Variants in EIF4G1 observed in about 807,000 individuals in gnomAD.
EIF4G1 encodes the protein eukaryotic translation initiation factor 4 gamma 1.
EIF4G1 carries 4 observed loss-of-function variants against 187.8 expected under a neutral mutation model. The observed-to-expected ratio is 0.02, with a 90% confidence interval of 0.01 to 0.05. EIF4G1 has a LOEUF of 0.05. Ranked by LOEUF, EIF4G1 falls within the 10% of genes least tolerant of loss-of-function variation. The pLI is 1.00. For synonymous variants in EIF4G1, 844 were observed against 781.4 expected (o/e 1.08, Z -1.34); for missense variants, 1,647 against 2,081.1 (o/e 0.79, Z 4.06).
At position 184,334,087 on chromosome 3, in the gene EIF4G1, C is replaced by G. The variant is rs55967915; in HGVS notation, c.4619-640C>G. 0.37 allele frequency among the ~76,000 whole-genome samples: 56,666 copies of G among 151,904 alleles called. 12,102 individuals carry two copies. Among genetic ancestry groups the G allele is most frequent in the African/African-American group, 0.57 (23,750 of 41,390 alleles). On this transcript the variant is annotated intron_variant, in intron 32 of 32. Transcript: ENST00000346169. The surrounding 1 kb of genome is among the most constrained non-coding windows in gnomAD (Gnocchi z 5.8). The stretch of plus-strand genomic sequence containing the variant: ...GGTGGTGCCTTGTGGGCACTGGGGT[C>G]GGTTGTGTTTCAGGGGTTATAGGAC...
chr3:184,324,415 C>T (rs1195970354), intron 17 of EIF4G1, 68 bp downstream of exon 17: 17 of 1,608,486 alleles, frequency 1.1e-5, no homozygotes, highest in Admixed American at 1.7e-5. Flanking sequence ...TGCTACTCAG[C>T]TGTAGAATTT....
In EIF4G1 at chr3:184,315,790, A is replaced by G. The variant is rs1251654908; in HGVS notation, c.-7A>G. On this transcript the variant is annotated 5_prime_UTR_variant, in exon 3 of 33. Coordinates refer to ENST00000346169, the MANE Select transcript of EIF4G1 (RefSeq NM_198241.3). Reference sequence around the variant, plus strand: ...GCTGGGGGGACCCTGATGTGGCACCAAATGAAATGAACAAAGCTCCACAGT... The same window carrying G: ...GCTGGGGGGACCCTGATGTGGCACCGAATGAAATGAACAAAGCTCCACAGT... 1.3e-6 allele frequency: 2 copies of G among 1,551,650 alleles called. No homozygotes were observed. Among genetic ancestry groups the G allele is most frequent in the Non-Finnish European group, 1.7e-6 (2 of 1,146,966 alleles).
intron 26 of EIF4G1, 110 bp downstream of exon 26, chr3:184,328,112 G>A: frequency 7.7e-7 from 1 of 1,305,108 alleles, no homozygotes; most frequent in South Asian, 1.2e-5. Flanking sequence ...GGCCGGGTGT[G>A]GTGGCTTATG....
Position 184,334,802 on chromosome 3 carries a change from G to A in EIF4G1, c.4694G>A (p.Ser1565Asn). 1 of 1,614,228 alleles carries A rather than the reference G, an allele frequency of 6.2e-7. No homozygotes were observed. The highest frequency in any genetic ancestry group is 8.5e-7 in the Non-Finnish European group (1 of 1,180,036). Residue 1565 changes from serine (S) to asparagine (N), a missense_variant, in exon 33 of 33, where the codon AGT (serine) becomes AAT (asparagine). Coordinates refer to ENST00000346169, the MANE Select transcript of EIF4G1 (RefSeq NM_198241.3). This position sits in a 1 kb window ranked among gnomAD's most constrained non-coding sequence, Gnocchi z 5.8. ...VKEDAFYSWESSKDPAEQQGK... is the reference protein window; with the variant it reads ...VKEDAFYSWENSKDPAEQQGK... Reference sequence around the variant, plus strand: ...GAGGATGCCTTCTACAGTTGGGAGAGTAGCAAGGACCCCGCTGAGCAGCAG... The same window carrying A: ...GAGGATGCCTTCTACAGTTGGGAGAATAGCAAGGACCCCGCTGAGCAGCAG...
At position 184,334,386 on chromosome 3, in the gene EIF4G1, A is replaced by T. The variant is rs1726739887; in HGVS notation, c.4619-341A>T. Among the ~76,000 whole-genome samples, 1 of 152,186 alleles carries T rather than the reference A, an allele frequency of 6.6e-6. No individual in the cohort carries two copies. Among genetic ancestry groups the T allele is most frequent in the Admixed American group, 6.5e-5 (1 of 15,268 alleles). ...GGATATATATAGGACTTTATGTATGATATATATAGGACTTTTAGCGATTTC... is the reference window on the plus strand; with the variant it reads ...GGATATATATAGGACTTTATGTATGTTATATATAGGACTTTTAGCGATTTC... On this transcript the variant is annotated intron_variant, in intron 32 of 32. Transcript: ENST00000346169. The surrounding 1 kb of genome is among the most constrained non-coding windows in gnomAD (Gnocchi z 5.8).
rs1723973613 is a variant in EIF4G1, at chr3:184,322,005, C to G, written c.1421C>G (p.Ala474Gly). 3.1e-6 allele frequency: 5 copies of G among 1,613,716 alleles called. No homozygotes were observed. The highest frequency in any genetic ancestry group is 4.2e-6 in the Non-Finnish European group (5 of 1,179,676). Residue 474 changes from alanine (A) to glycine (G), a missense_variant, in exon 10 of 33, where the codon GCT (alanine) becomes GGT (glycine). Around this residue, in one of 11 missense-constraint regions of EIF4G1, gnomAD observed 522 missense variants for 485.2 expected, o/e 1.08. Transcript: ENST00000346169. ...EEGEAGEAGEAESEKGGEELL... is the reference protein window; with the variant it reads ...EEGEAGEAGEGESEKGGEELL... ...GGAGAAGCAGGAGAAGCAGGAGAAG[C>G]TGAGAGTGAGAAAGGAGGAGAGGAA...
intron 7 of EIF4G1, 191 bp from the exon 8 acceptor site, chr3:184,320,439 A>T (rs1037070775): frequency 1.9e-5 from 28 of 1,495,294 alleles, no homozygotes; most frequent in Non-Finnish European, 2.5e-5. Context: ...GGGTCTCTTA[A>T]GGGTGGGAGC....
At chr3:184,332,353 G>A (rs1056941062) in intron 32 of EIF4G1, among the ~76,000 whole-genome samples, 1 of 152,218 alleles carries the variant, frequency 6.6e-6, no homozygotes, top group Non-Finnish European at 1.5e-5. Context: ...TAAATGATAG[G>A]ATCTTCCCAG....
In EIF4G1 at chr3:184,320,999, T is replaced by C. The variant is rs1191762222; in HGVS notation, c.697+6T>C. The C allele has an allele frequency of 1.2e-6, 2 of 1,613,656 alleles. No homozygotes were observed. Among genetic ancestry groups the C allele is most frequent in the Non-Finnish European group, 8.5e-7 (1 of 1,179,940 alleles). On this transcript the variant is annotated splice_donor_region_variant and intron_variant, in intron 9 of 32. Coordinates refer to ENST00000346169, the MANE Select transcript of EIF4G1 (RefSeq NM_198241.3). The stretch of plus-strand genomic sequence containing the variant: ...TGCTGTCATTGTCCGGCCAGGTAAG[T>C]AAGCCGGTGGGACGGAGCTTTTATG...
Position 184,321,958 on chromosome 3 carries a change from AGAAGAAGAAGAAGAG to A in EIF4G1, c.1382_1396del (p.Glu461_Glu465del), listed in dbSNP as rs781188083. On this transcript the variant is annotated inframe_deletion, in exon 10 of 33. Coordinates refer to ENST00000346169, the MANE Select transcript of EIF4G1 (RefSeq NM_198241.3). ...CCCCAGCTCAGGAGGAGGAAATGGA[AGAAGAAGAAGAAGAG>A]GAAGAAGGAGAAGCAGGAGAAGCAG... The A allele has an allele frequency of 1.6e-5, 26 of 1,602,718 alleles. No individual in the cohort carries two copies. The highest frequency in any genetic ancestry group is 1.7e-4 in the Middle Eastern group (1 of 6,046).
At chr3:184,317,278 TC>T in intron 4 of EIF4G1, 42 bp from the exon 5 acceptor site, 1 of 1,611,586 alleles carries the variant, frequency 6.2e-7, no homozygotes, top group East Asian at 2.2e-5. Context: ...TTTGTCCACT[TC>T]CTTCTCTTTA....
rs1209146277 is a variant in EIF4G1, at chr3:184,321,799, C to T, written c.1215C>T (p.Asn405=). ...APTAQPEELL[N]GAPSPPAVDL... The stretch of plus-strand genomic sequence containing the variant: ...CTGCCCAACCTGAGGAACTGCTCAA[C>T]GGAGCCCCCTCGCCACCAGCTGTGG... The change falls in exon 10 of 33, where the codon AAC becomes AAT. Residue 405 remains asparagine (N), a synonymous_variant. Coordinates refer to ENST00000346169, the MANE Select transcript of EIF4G1 (RefSeq NM_198241.3). 6.2e-6 allele frequency: 10 copies of T among 1,613,580 alleles called. No homozygotes were observed. Among genetic ancestry groups the T allele is most frequent in the African/African-American group, 5.3e-5 (4 of 74,902 alleles).
At position 184,325,697 on chromosome 3, in the gene EIF4G1, T is replaced by C. The variant is rs372872835; in HGVS notation, c.3121+58T>C. The C allele has an allele frequency of 5.2e-4, 839 of 1,613,628 alleles. No individual in the cohort carries two copies. Among genetic ancestry groups the C allele is most frequent in the Non-Finnish European group, 6.8e-4 (808 of 1,179,778 alleles). On this transcript the variant is annotated intron_variant, in intron 20 of 32. Transcript: ENST00000346169. This position sits in a 1 kb window ranked among gnomAD's most constrained non-coding sequence, Gnocchi z 5.2. ...GTGAAGGGACCGGGAGGTTATACTT[T>C]CCTCTGATGACTTCCTGTTAGTGCC... is the stretch of plus-strand genomic sequence containing the variant.
At chr3:184,315,231 C>A (rs1005432540) in intron 1 of EIF4G1, 2 of 391,582 alleles carry the variant, frequency 5.1e-6, no homozygotes, top group Non-Finnish European at 1.0e-5. Flanking sequence ...GACTCCCGCC[C>A]TTCCTGGCCT....
Position 184,324,973 on chromosome 3 carries a change from G to C in EIF4G1, c.2715G>C (p.Leu905Phe), listed in dbSNP as rs376550543. Reference sequence around the variant, plus strand: ...GGAATATCAAGTTTATTGGAGAGTTGTTCAAACTGAAGATGTTAACAGAGG... The same window carrying C: ...GGAATATCAAGTTTATTGGAGAGTTCTTCAAACTGAAGATGTTAACAGAGG... ...SLGNIKFIGELFKLKMLTEAI... is the reference protein window; with the variant it reads ...SLGNIKFIGEFFKLKMLTEAI... Residue 905 changes from leucine to phenylalanine, a missense_variant, in exon 18 of 33, where the codon TTG becomes TTC. Coordinates refer to ENST00000346169, the MANE Select transcript of EIF4G1 (RefSeq NM_198241.3). The C allele has an allele frequency of 6.2e-7, 1 of 1,614,254 alleles. No homozygotes were observed. Among genetic ancestry groups the C allele is most frequent in the African/African-American group, 1.3e-5 (1 of 75,066 alleles).
intron 6 of EIF4G1, among the ~76,000 whole-genome samples, chr3:184,318,451 T>C (rs927089870): frequency 6.6e-6 from 1 of 152,092 alleles, no homozygotes; most frequent in African/African-American, 2.4e-5. Context: ...ACCCTGTCTC[T>C]ATTTTAAAAT....
chr3:184,326,648 GAGCTGGGTGGTT>G lies in EIF4G1; in HGVS notation c.3325+21_3325+32del. 3 of 1,606,410 alleles carry G rather than the reference GAGCTGGGTGGTT, an allele frequency of 1.9e-6. No individual in the cohort carries two copies. Among genetic ancestry groups the G allele is most frequent in the Non-Finnish European group, 2.5e-6 (3 of 1,179,826 alleles). ...GACGCAGGTATGGAGGCAGTGTCAGGAGCTGGGTGGTTACCCGTCAGAGCTCCCTTGAGGACA... is the reference window on the plus strand; with the variant it reads ...GACGCAGGTATGGAGGCAGTGTCAGGACCCGTCAGAGCTCCCTTGAGGACA... On this transcript the variant is annotated intron_variant, in intron 22 of 32. Coordinates refer to ENST00000346169, the MANE Select transcript of EIF4G1 (RefSeq NM_198241.3).
Position 184,321,824 on chromosome 3 carries a change from G to T in EIF4G1, c.1240G>T (p.Asp414Tyr), listed in dbSNP as rs1433029103. 16 of 1,614,036 alleles carry T rather than the reference G, an allele frequency of 9.9e-6. No homozygotes were observed. Among genetic ancestry groups the T allele is most frequent in the Non-Finnish European group, 1.4e-5 (16 of 1,180,042 alleles). Residue 414 changes from aspartate (D) to tyrosine (Y), a missense_variant, in exon 10 of 33, where the codon GAC becomes TAC. Physicochemically the swap from Asp to Tyr is radical, Grantham distance 160. Around this residue, in one of 11 missense-constraint regions of EIF4G1, gnomAD observed 522 missense variants for 485.2 expected, o/e 1.08. Transcript: ENST00000346169. ...CGGAGCCCCCTCGCCACCAGCTGTGGACTTAAGCCCAGTCAGTGAGCCAGA... is the reference window on the plus strand; with the variant it reads ...CGGAGCCCCCTCGCCACCAGCTGTGTACTTAAGCCCAGTCAGTGAGCCAGA... Reference protein sequence around the residue: ...LNGAPSPPAVDLSPVSEPEEQ... With the variant: ...LNGAPSPPAVYLSPVSEPEEQ...
intron 2 of EIF4G1, 98 bp from the exon 3 acceptor site, chr3:184,315,665 T>C: frequency 1.1e-6 from 1 of 893,902 alleles, no homozygotes; most frequent in Non-Finnish European, 1.8e-6. Context: ...TCTCTGGGAC[T>C]CCGTATGGGA....
Sources: gnomAD v4.1 joint callset for allele counts (sites outside exome capture counted in the v4.1 genomes callset) on GRCh38, gnomAD v4.1.1 for gene constraint, gnomAD v4.1.1 regional missense constraint, Gnocchi (gnomAD v3.1) non-coding constraint, MANE v1.5 for transcripts, NCBI Gene and HGNC (gene_info 2026-07-23, HGNC 2026-07-21) for gene names.